Variants in SYN3 observed in about 807,000 individuals in gnomAD.
The protein encoded by SYN3 is synapsin III.
In SYN3, 35 loss-of-function variants were observed where a neutral mutation model predicts 65.8. That is an observed-to-expected ratio of 0.53 (90% CI 0.41 to 0.70). The LOEUF is 0.70. Among genes scored for constraint, SYN3 ranks in the 30% least tolerant of loss-of-function variants. SYN3 has a pLI of 0.00. For missense variants in SYN3, 680 were observed against 749.0 expected, an observed-to-expected ratio of 0.91 and a Z score of 1.08; for synonymous variants, 270 against 292.9, an observed-to-expected ratio of 0.92 and a Z score of 0.80.
At chr22:32,968,165 T>G (rs374496550) in intron 3 of SYN3, among the ~76,000 whole-genome samples, 3 of 152,258 alleles carry the variant, frequency 2.0e-5, no homozygotes, top group East Asian at 1.9e-4. Context: ...TTAAGAAAAA[T>G]AGGTCATCTC....
intron 6 of SYN3, among the ~76,000 whole-genome samples, chr22:32,648,173 C>A (rs909193710): frequency 1.4e-4 from 22 of 152,136 alleles, no homozygotes; most frequent in Admixed American, 2.6e-4. Flanking sequence ...GCTTTTGAGA[C>A]TCTATTAAGG....
intron 7 of SYN3, among the ~76,000 whole-genome samples, chr22:32,569,571 C>CTCTCTCTATATA (rs1205661126): frequency 1.3e-4 from 12 of 90,922 alleles, no homozygotes; most frequent in African/African-American, 3.7e-4. Flanking sequence ...CTCTCTCTCT[C>CTCTCTCTATATA]TATATATATA....
intron 6 of SYN3, chr22:32,862,101 A>G (rs2048558475): frequency 6.6e-6 from 1 of 152,344 alleles, no homozygotes; most frequent in Non-Finnish European, 1.5e-5. Flanking sequence ...GAGTAGGAAA[A>G]AAGTTTAAAC....
At chr22:32,895,424 TCTA>T (rs1175573502) in intron 4 of SYN3, among the ~76,000 whole-genome samples, 11 of 152,336 alleles carry the variant, frequency 7.2e-5, no homozygotes, top group African/African-American at 2.6e-4. Context: ...TTATCTATCA[TCTA>T]CTATTGGTTC....
chr22:32,756,059 C>G (rs4821093), intron 6 of SYN3, among the ~76,000 whole-genome samples: 15 of 143,578 alleles, frequency 1.0e-4, no homozygotes, highest in East Asian at 4.1e-4. Context: ...CATCACACAC[C>G]GGGGCCTGTG....
chr22:32,541,118 C>A (rs950543340), intron 8 of SYN3, among the ~76,000 whole-genome samples: 1 of 152,150 alleles, frequency 6.6e-6, no homozygotes, highest in Non-Finnish European at 1.5e-5. Flanking sequence ...TCTGGTGTAA[C>A]CTCCTAACTG....
intron 6 of SYN3, among the ~76,000 whole-genome samples, chr22:32,691,185 G>A (rs900847284): frequency 3.3e-5 from 5 of 151,994 alleles, no homozygotes; most frequent in Non-Finnish European, 7.4e-5. Flanking sequence ...TGGGCGCCCC[G>A]GTTCCTTCAC....
intron 7 of SYN3, among the ~76,000 whole-genome samples, chr22:32,543,069 CG>C (rs1669807389): frequency 6.6e-6 from 1 of 152,152 alleles, no homozygotes. Context: ...CCCCATCTCA[CG>C]TCCTTCCGAT....
At chr22:32,553,321 G>C (rs1429222328) in intron 7 of SYN3, among the ~76,000 whole-genome samples, 7 of 152,162 alleles carry the variant, frequency 4.6e-5, no homozygotes, top group Middle Eastern at 6.8e-3. Context: ...TGATCATTTT[G>C]ATCCGTTTTT....
rs964490473 is a variant in SYN3 at position 32,859,029 on chromosome 22, A to C, written c.711+5886T>G. On this transcript the variant is annotated intron_variant, in intron 6 of 13. Transcript: ENST00000358763. ...ATGTCTGTTAGACAGCAGATGCTCA[A>C]GCTAGTGCTATTTATATTATGATCA... 4.1e-6 allele frequency: 3 copies of C among 736,886 alleles called. No homozygotes were observed. In the South Asian group the frequency reaches 4.4e-5, roughly 11 times the overall value. 45.6% of individuals were successfully genotyped at this position (736,886 alleles called of 1,614,324 possible).
intron 6 of SYN3, among the ~76,000 whole-genome samples, chr22:32,828,858 C>CA (rs1190053126): frequency 2.6e-5 from 4 of 152,118 alleles, no homozygotes; most frequent in African/African-American, 9.7e-5. Context: ...GTATATCAGC[C>CA]AAGCTTGGGG....
intron 6 of SYN3, among the ~76,000 whole-genome samples, chr22:32,630,158 A>G (rs935985636): frequency 2.6e-5 from 4 of 151,502 alleles, no homozygotes; most frequent in African/African-American, 9.7e-5. Flanking sequence ...TAATTTTTGT[A>G]TTTTTAGTAG....
chr22:32,720,582 G>C (rs563014171), intron 6 of SYN3, among the ~76,000 whole-genome samples: 1 of 152,186 alleles, frequency 6.6e-6, no homozygotes, highest in Non-Finnish European at 1.5e-5. Flanking sequence ...TCCAAATAGT[G>C]TTATTTTCAC....
intron 6 of SYN3, among the ~76,000 whole-genome samples, chr22:32,741,310 TG>T: frequency 6.6e-6 from 1 of 150,786 alleles, no homozygotes; most frequent in South Asian, 2.1e-4. Flanking sequence ...GTGCCAAAGC[TG>T]GGATTCAGAC....
At chr22:33,027,454 G>A (rs1438949683) in intron 1 of SYN3, among the ~76,000 whole-genome samples, 2 of 151,886 alleles carry the variant, frequency 1.3e-5, no homozygotes, top group African/African-American at 2.4e-5. Flanking sequence ...AAAATTAGCC[G>A]GGCATGGTGG....
rs117572771 is a variant in SYN3, at chr22:33,050,914, A to G, written c.-163+7378T>C. ...TGATGAAATAAATTAAAACCCGTAT[A>G]AAGCACCCAGTACCTAGAGGACATA... On this transcript the variant is annotated intron_variant, in intron 1 of 13. Transcript: ENST00000358763. Among the ~76,000 whole-genome samples the G allele has an allele frequency of 7.9e-4, 121 of 152,358 alleles. 1 individual carries two copies. In the East Asian group the frequency reaches 0.017, roughly 22 times the overall value.
At chr22:32,644,178 A>G (rs1347805070) in intron 6 of SYN3, among the ~76,000 whole-genome samples, 2 of 151,812 alleles carry the variant, frequency 1.3e-5, no homozygotes, top group African/African-American at 4.8e-5. Context: ...AGTTTCACAA[A>G]CATATACTGA....
intron 7 of SYN3, among the ~76,000 whole-genome samples, chr22:32,556,804 G>GT (rs1555895619): frequency 2.3e-5 from 1 of 43,888 alleles, no homozygotes; most frequent in Non-Finnish European, 4.1e-5. Context: ...AGGTTTCCTG[G>GT]TTTTTTTTTT....
chr22:32,890,561 T>C (rs1388124502), intron 4 of SYN3, among the ~76,000 whole-genome samples: 2 of 151,992 alleles, frequency 1.3e-5, no homozygotes, highest in Non-Finnish European at 2.9e-5. Flanking sequence ...TTTGTATTTT[T>C]AGTAGAGACA....
Sources: gnomAD v4.1 joint callset for allele counts (sites outside exome capture counted in the v4.1 genomes callset) on GRCh38, gnomAD v4.1.1 for gene constraint, MANE v1.5 for transcripts, NCBI Gene and HGNC (gene_info 2026-07-23, HGNC 2026-07-21) for gene names.